C9: variants seen among roughly 807,000 people sequenced by gnomAD.
C9 encodes the protein complement component C9.
In C9, 63 loss-of-function variants were observed where a neutral mutation model predicts 65.4. That is an observed-to-expected ratio of 0.96 (90% confidence interval 0.79 to 1.19). The LOEUF (loss-of-function observed/expected upper bound fraction) is 1.19, where lower values mean the gene tolerates loss of function less well. Ranked by LOEUF, C9 falls within the 50% of genes most tolerant of loss-of-function variation. The pLI is 0.00. For synonymous variants in C9, 229 were observed against 227.9 expected (o/e 1.00, Z -0.04); for missense variants, 744 against 670.1 (o/e 1.11, Z -1.22).
At chr5:39,348,413 T>A (rs1310418363) in intron 1 of C9, among the ~76,000 whole-genome samples, 5 of 151,964 alleles carry the variant, frequency 3.3e-5, no homozygotes, top group Non-Finnish European at 7.4e-5. Flanking sequence ...AACAGACACA[T>A]GAAAAAATGC....
At chr5:39,360,481 AG>A (rs1179796246) in intron 1 of C9, among the ~76,000 whole-genome samples, 1 of 152,186 alleles carries the variant, frequency 6.6e-6, no homozygotes, top group African/African-American at 2.4e-5. Flanking sequence ...TAAATATGAA[AG>A]TAACTCCACT....
intron 5 of C9, among the ~76,000 whole-genome samples, chr5:39,320,115 G>A (rs1753641467): frequency 6.6e-6 from 1 of 152,138 alleles, no homozygotes; most frequent in Non-Finnish European, 1.5e-5. Flanking sequence ...CATAATCAGG[G>A]AAACATGGCA....
chr5:39,306,162 CAAAAAAA>C (rs541310785), intron 9 of C9, among the ~76,000 whole-genome samples: 3 of 102,006 alleles, frequency 2.9e-5, no homozygotes, highest in African/African-American at 4.1e-5. Context: ...GACTCTGTCT[CAAAAAAA>C]AAAAAAAAAA....
chr5:39,315,810 T>C lies in C9; in HGVS notation c.835A>G (p.Thr279Ala), dbSNP rs183125896. The change falls in exon 6 of 11, where the codon ACT becomes GCT. Residue 279 changes from threonine to alanine, a missense_variant. Coordinates refer to ENST00000263408, the MANE Select transcript of C9 (RefSeq NM_001737.5). The stretch of plus-strand genomic sequence containing the variant: ...GAATATGACAAAAATAGTTGGTAAG[T>C]TTCATTTTTGGAATATGAAAACCGA... ...SFRFSYSKNE[T>A]YQLFLSYSSK... is the part of the protein sequence containing the mutation. 729 of 1,607,208 alleles carry C rather than the reference T, an allele frequency of 4.5e-4. 3 individuals are homozygous for C. The highest frequency in any genetic ancestry group is 1.7e-4 in the Middle Eastern group (1 of 6,036).
At chr5:39,344,551 G>A (rs1159030435) in intron 1 of C9, among the ~76,000 whole-genome samples, 2 of 152,188 alleles carry the variant, frequency 1.3e-5, no homozygotes, top group Admixed American at 1.3e-4. Flanking sequence ...TCTGATTGGT[G>A]TACCTGAAAG....
intron 1 of C9, among the ~76,000 whole-genome samples, chr5:39,344,590 A>G (rs1209716395): frequency 6.6e-6 from 1 of 152,212 alleles, no homozygotes; most frequent in East Asian, 1.9e-4. Context: ...CAAGTTGGAA[A>G]ACACTCTGCA....
chr5:39,333,904 T>C (rs1753899600), intron 4 of C9, among the ~76,000 whole-genome samples: 1 of 152,216 alleles, frequency 6.6e-6, no homozygotes, highest in Admixed American at 6.5e-5. Flanking sequence ...AGAGTCTCGT[T>C]AACTCAGTGC....
chr5:39,285,760 G>A (rs1345965883), intron 10 of C9, among the ~76,000 whole-genome samples: 1 of 151,306 alleles, frequency 6.6e-6, no homozygotes, highest in East Asian at 1.9e-4. Context: ...ACCTGGTTGA[G>A]AGCCATTGGT....
chr5:39,343,144 C>T (rs994983310), intron 1 of C9, among the ~76,000 whole-genome samples: 7 of 152,080 alleles, frequency 4.6e-5, no homozygotes, highest in East Asian at 1.9e-4. Flanking sequence ...ACTGAGGTAC[C>T]GGGTTCATCT....
At chr5:39,327,002 G>C (rs1241526379) in intron 5 of C9, among the ~76,000 whole-genome samples, 8 of 152,070 alleles carry the variant, frequency 5.3e-5, no homozygotes, top group Admixed American at 3.3e-4. Flanking sequence ...TCAGTATTCT[G>C]TGGTAAATAA....
At chr5:39,343,922 T>C (rs1270369779) in intron 1 of C9, among the ~76,000 whole-genome samples, 1 of 135,938 alleles carries the variant, frequency 7.4e-6, no homozygotes, top group Non-Finnish European at 1.5e-5. Flanking sequence ...CGGTCTGGAG[T>C]GGACCTCTGG....
chr5:39,289,095 C>T, intron 9 of C9, 144 bp from the exon 10 acceptor site: 2 of 655,362 alleles, frequency 3.1e-6, no homozygotes, highest in Non-Finnish European at 5.5e-6. Flanking sequence ...GTGATGTTAG[C>T]TTTTAAACAA....
At chr5:39,354,857 G>A (rs1754388000) in intron 1 of C9, among the ~76,000 whole-genome samples, 3 of 152,162 alleles carry the variant, frequency 2.0e-5, no homozygotes, top group African/African-American at 7.2e-5. Context: ...TTAATTAAAT[G>A]AAATATGAGA....
chr5:39,288,903 G>A lies in C9; in HGVS notation c.1465C>T (p.Leu489=). The A allele has an allele frequency of 1.2e-6, 2 of 1,611,274 alleles. No homozygotes were observed. Among genetic ancestry groups the A allele is most frequent in the African/African-American group, 1.3e-5 (1 of 74,828 alleles). ...GCTCTTTCCAAGTTTTGTTTCTTTA[G>A]GTGTGCATTTTTCATTTTCACTGGA... ...LVPVKMKNAH[L]KKQNLERAIE... is the part of the protein sequence containing the mutation. Residue 489 remains leucine, a synonymous_variant, in exon 10 of 11, where the codon CTA becomes TTA. Coordinates refer to ENST00000263408, the MANE Select transcript of C9 (RefSeq NM_001737.5).
In C9 at chr5:39,311,304, A is replaced by C; in HGVS notation, c.944T>G (p.Leu315Arg). Residue 315 changes from leucine (L) to arginine (R), a missense_variant, in exon 7 of 11, where the codon CTC (leucine) becomes CGC (arginine). Physicochemically the swap from Leu to Arg is moderately radical, Grantham distance 102. Transcript: ENST00000263408. ...RFVMRNRDVV[L>R]TTTFVDDIKA... Reference sequence around the variant, plus strand: ...TATATCATCCACAAAAGTTGTTGTGAGCACAACATCGCGATTTCTCATTAC... The same window carrying C: ...TATATCATCCACAAAAGTTGTTGTGCGCACAACATCGCGATTTCTCATTAC... 6.2e-7 allele frequency: 1 copy of C among 1,612,542 alleles called. No individual in the cohort carries two copies. The highest frequency in any genetic ancestry group is 8.5e-7 in the Non-Finnish European group (1 of 1,178,646).
Position 39,341,586 on chromosome 5 carries a change from C to T in C9, c.298G>A (p.Asp100Asn). The change falls in exon 3 of 11, where the codon GAC (aspartate) becomes AAC (asparagine). Residue 100 changes from aspartate (D) to asparagine (N), a missense_variant. Coordinates refer to ENST00000263408, the MANE Select transcript of C9 (RefSeq NM_001737.5). ...PTEPCEDAED[D>N]CGNDFQCSTG... is the part of the protein sequence containing the mutation. ...CTGCATTGAAAGTCATTTCCGCAGTCATCCTCAGCATCCTCACAGGGCTCT... is the reference window on the plus strand; with the variant it reads ...CTGCATTGAAAGTCATTTCCGCAGTTATCCTCAGCATCCTCACAGGGCTCT... The T allele has an allele frequency of 6.2e-7, 1 of 1,614,126 alleles. No individual in the cohort carries two copies. Among genetic ancestry groups the T allele is most frequent in the Non-Finnish European group, 8.5e-7 (1 of 1,179,966 alleles).
intron 10 of C9, among the ~76,000 whole-genome samples, chr5:39,288,335 G>A (rs937759360): frequency 4.6e-5 from 7 of 151,648 alleles, no homozygotes; most frequent in African/African-American, 2.4e-5. Flanking sequence ...GGGTTTTAAA[G>A]TATATATGTC....
intron 5 of C9, among the ~76,000 whole-genome samples, chr5:39,323,944 G>C (rs937042087): frequency 1.3e-5 from 2 of 151,994 alleles, no homozygotes; most frequent in African/African-American, 2.4e-5. Context: ...GACAAAAAAT[G>C]TTAGAACTAA....
At chr5:39,323,182 C>T (rs909398272) in intron 5 of C9, among the ~76,000 whole-genome samples, 3 of 151,844 alleles carry the variant, frequency 2.0e-5, no homozygotes, top group African/African-American at 4.8e-5. Flanking sequence ...AAAAAGTCTC[C>T]CATGAAAGAA....
Sources: gnomAD v4.1 joint callset for allele counts (sites outside exome capture counted in the v4.1 genomes callset) on GRCh38, gnomAD v4.1.1 for gene constraint, MANE v1.5 for transcripts, NCBI Gene and HGNC (gene_info 2026-07-23, HGNC 2026-07-21) for gene names.